JAK2: variants seen among roughly 807,000 people sequenced by gnomAD.
JAK2 encodes tyrosine-protein kinase JAK2.
JAK2 carries 86 observed loss-of-function variants against 139.3 expected under a neutral mutation model. The ratio of observed to expected loss-of-function variants is 0.62; its 90% CI spans 0.52 to 0.74. The LOEUF is 0.74. JAK2 is among the 30% of genes least tolerant of loss of function. The pLI is 0.00. For synonymous variants in JAK2, 490 were observed against 437.7 expected (o/e 1.12, Z -1.49); for missense variants, 1,421 against 1,360.3 (o/e 1.04, Z -0.70).
intron 4 of JAK2, among the ~76,000 whole-genome samples, chr9:5,032,152 T>C (rs1337764649): frequency 6.6e-6 from 1 of 152,160 alleles, no homozygotes; most frequent in African/African-American, 2.4e-5. Flanking sequence ...CGCTCATTGC[T>C]AGCACAGCAG....
Position 5,080,606 on chromosome 9 carries a change from A to C in JAK2, c.2357A>C (p.Asn786Thr). The C allele has an allele frequency of 6.2e-7, 1 of 1,608,672 alleles. No homozygotes were observed. Among genetic ancestry groups the C allele is most frequent in the East Asian group, 2.2e-5 (1 of 44,804 alleles). ...GCAGAATTAGCAAACCTTATAAATA[A>C]TTGTATGGATTATGAACCAGATTTC... ...KWAELANLINNCMDYEPDFRP... is the reference protein window; with the variant it reads ...KWAELANLINTCMDYEPDFRP... Residue 786 changes from asparagine (N) to threonine (T), a missense_variant, in exon 18 of 25, where the codon AAT becomes ACT. Coordinates refer to ENST00000381652, the MANE Select transcript of JAK2 (RefSeq NM_004972.4).
chr9:5,019,703 T>C (rs1822290801), intron 2 of JAK2, among the ~76,000 whole-genome samples: 1 of 152,230 alleles, frequency 6.6e-6, no homozygotes, highest in South Asian at 2.1e-4. Context: ...TAGGACTTTT[T>C]CCTGAAGATT....
intron 2 of JAK2, among the ~76,000 whole-genome samples, chr9:4,990,698 A>G (rs980514252): frequency 1.5e-4 from 23 of 152,210 alleles, no homozygotes; most frequent in African/African-American, 5.3e-4. Flanking sequence ...GAAGAATCAG[A>G]TCCAAAAAAA....
intron 19 of JAK2, chr9:5,085,580 C>T: frequency 1.4e-6 from 1 of 691,228 alleles, no homozygotes; most frequent in South Asian, 1.6e-5. Flanking sequence ...CCAGTTTGTG[C>T]CCCACCTATA....
chr9:5,064,534 AAAAAAAG>A (rs1818433630), intron 8 of JAK2, among the ~76,000 whole-genome samples: 1 of 152,114 alleles, frequency 6.6e-6, no homozygotes, highest in Non-Finnish European at 1.5e-5. Flanking sequence ...TCAAAAAAAA[AAAAAAAG>A]AAAAAAGGAA....
chr9:5,112,638 A>C (rs1822710863), intron 22 of JAK2: 1 of 1,008,046 alleles, frequency 9.9e-7, no homozygotes, highest in Non-Finnish European at 1.4e-6. Flanking sequence ...AACAGCGAGA[A>C]GCCCCAGACC....
At chr9:5,029,728 G>T in intron 3 of JAK2, 55 bp from the exon 4 acceptor site, 1 of 1,457,496 alleles carries the variant, frequency 6.9e-7, no homozygotes. Flanking sequence ...TAGGTGCTAT[G>T]TAAAAATATT....
intron 4 of JAK2, chr9:5,041,680 T>G (rs540801949): frequency 1.1e-3 from 540 of 511,368 alleles, no homozygotes; most frequent in African/African-American, 0.01. Context: ...AGCTACCTCT[T>G]CGACCGAAGC....
At chr9:5,078,054 T>C (rs1171389064) in intron 15 of JAK2, among the ~76,000 whole-genome samples, 2 of 152,190 alleles carry the variant, frequency 1.3e-5, no homozygotes, top group Non-Finnish European at 2.9e-5. Context: ...ATGTCAGCCT[T>C]AGAACTCATG....
intron 22 of JAK2, chr9:5,114,034 T>C (rs370935839): frequency 9.4e-6 from 3 of 317,650 alleles, no homozygotes; most frequent in Middle Eastern, 5.0e-4. Context: ...GCCTCTCCCA[T>C]ACTGGAGGAT....
intron 16 of JAK2, among the ~76,000 whole-genome samples, chr9:5,079,642 T>TAA (rs112738608): frequency 8.1e-5 from 12 of 147,480 alleles, no homozygotes; most frequent in African/African-American, 3.0e-4. Flanking sequence ...ATAAACTATA[T>TAA]AAAAAAAAAA....
chr9:5,098,710 T>C (rs894248583), intron 22 of JAK2: 5 of 152,156 alleles, frequency 3.3e-5, no homozygotes, highest in Middle Eastern at 3.4e-3. Flanking sequence ...TTTTTTTTTT[T>C]TGAGACAGAG....
At chr9:5,042,399 A>G (rs1816652797) in intron 4 of JAK2, among the ~76,000 whole-genome samples, 1 of 150,876 alleles carries the variant, frequency 6.6e-6, no homozygotes, top group Non-Finnish European at 1.5e-5. Flanking sequence ...GGCCTCCCAA[A>G]GTGCTGGGAT....
chr9:5,114,608 C>T lies in JAK2; in HGVS notation c.3060-8396C>T, dbSNP rs548569677. 7.0e-4 allele frequency: 342 copies of T among 488,194 alleles called. 8 individuals are homozygous for T. Among genetic ancestry groups the T allele is most frequent in the South Asian group, 2.4e-3 (156 of 64,356 alleles). The allele number at this position is 488,194 out of a possible 1,614,324, so 30.2% of individuals were successfully genotyped here. On this transcript the variant is annotated intron_variant, in intron 22 of 24. Transcript: ENST00000381652. ...ACATCTTGGTGCAGTGGCTGTACAA[C>T]GAGGTGCAGCTCCCGGACACTTGGC...
Position 5,122,994 on chromosome 9 carries a change from A to G in JAK2, c.3060-10A>G. The stretch of plus-strand genomic sequence containing the variant: ...TAACTGTCTTTTAAATGTTATTCAT[A>G]TATTTACAGGTATGCTCCAGAATCA... On this transcript the variant is annotated splice_polypyrimidine_tract_variant and intron_variant, in intron 22 of 24. Coordinates refer to ENST00000381652, the MANE Select transcript of JAK2 (RefSeq NM_004972.4). The G allele has an allele frequency of 1.9e-6, 3 of 1,564,988 alleles. No individual in the cohort carries two copies. The highest frequency in any genetic ancestry group is 1.8e-5 in the Admixed American group (1 of 56,834).
At chr9:5,091,549 T>C (rs755323765) in intron 22 of JAK2, 6 of 152,254 alleles carry the variant, frequency 3.9e-5, no homozygotes, top group Non-Finnish European at 8.8e-5. Context: ...GGTTGGTGGT[T>C]GCTGGTTGAT....
chr9:5,109,469 T>C (rs984365665), intron 22 of JAK2: 1 of 152,152 alleles, frequency 6.6e-6, no homozygotes, highest in Non-Finnish European at 1.5e-5. Context: ...ACCAAAAACA[T>C]TGGTGCAACT....
rs1313954119 is a variant in JAK2 at position 5,127,384 on chromosome 9, T to C, written c.*593T>C. ...AGCATTATAAGCAGGTGTATACTTT[T>C]AGCTTGTAGTTCCATGTACTGTAAA... On this transcript the variant is annotated 3_prime_UTR_variant, in exon 25 of 25. Coordinates refer to ENST00000381652, the MANE Select transcript of JAK2 (RefSeq NM_004972.4). 1.3e-5 allele frequency: 3 copies of C among 231,896 alleles called. No homozygotes were observed. The highest frequency in any genetic ancestry group is 6.6e-5 in the African/African-American group (3 of 45,260). The allele number at this position is 231,896 out of a possible 1,614,324, so 14.4% of individuals were successfully genotyped here. A position where few individuals can be genotyped will look rare whatever the true frequency, so the allele number is the denominator to read the frequency against.
intron 22 of JAK2, chr9:5,114,307 A>G: frequency 1.8e-6 from 1 of 542,976 alleles, no homozygotes; most frequent in South Asian, 1.6e-5. Flanking sequence ...ACTTGGTCCC[A>G]GGCCAGTGGG....
Sources: allele counts gnomAD v4.1 joint callset (sites outside exome capture counted in the v4.1 genomes callset), GRCh38; gene constraint gnomAD v4.1.1; transcripts MANE v1.5; gene names NCBI Gene and HGNC (gene_info 2026-07-23, HGNC 2026-07-21).